Variants in TRRAP observed in about 807,000 individuals in gnomAD.
TRRAP encodes the protein transformation/transcription domain-associated protein.
TRRAP carries 41 observed loss-of-function variants against 438.8 expected under a neutral mutation model. The observed-to-expected ratio is 0.09, with a 90% confidence interval of 0.07 to 0.12. The LOEUF (loss-of-function observed/expected upper bound fraction) is 0.12. Ranked by LOEUF, TRRAP falls within the 10% of genes least tolerant of loss-of-function variation. The pLI is 1.00. For synonymous variants in TRRAP, 1,994 were observed against 1,962.9 expected (o/e 1.02, Z -0.42); for missense variants, 3,122 against 5,055.1 (o/e 0.62, Z 11.60).
chr7:98,906,182 A>G lies in TRRAP; in HGVS notation c.1042A>G (p.Ile348Val), dbSNP rs1554407489. Residue 348 changes from isoleucine (I) to valine (V), a missense_variant, in exon 13 of 73, where the codon ATT becomes GTT. Physicochemically the swap from Ile to Val is conservative, Grantham distance 29 (BLOSUM62 3). Around this residue, in one of 24 missense-constraint regions of TRRAP, gnomAD observed 343 missense variants for 564.0 expected, o/e 0.61. Coordinates refer to ENST00000456197, the MANE Select transcript of TRRAP (RefSeq NM_001375524.1). ...ILTTELRNQFIPCMDKLFDES... is the reference protein window; with the variant it reads ...ILTTELRNQFVPCMDKLFDES... The stretch of plus-strand genomic sequence containing the variant: ...AATGGATGTTTGTCTTCTAGAGTTC[A>G]TTCCTTGCATGGACAAGCTGTTTGA... 6.2e-6 allele frequency: 10 copies of G among 1,613,672 alleles called. No homozygotes were observed. The highest frequency in any genetic ancestry group is 2.7e-5 in the African/African-American group (2 of 74,898).
At chr7:98,990,317 T>G (rs988573153) in intron 63 of TRRAP, 138 bp from the exon 64 acceptor site, 1 of 747,384 alleles carries the variant, frequency 1.3e-6, no homozygotes, top group Admixed American at 2.8e-5. Context: ...TTAGCAATAA[T>G]GTTGGCCTGC....
chr7:99,006,969 C>T (rs888309777), intron 69 of TRRAP, among the ~76,000 whole-genome samples: 17 of 152,210 alleles, frequency 1.1e-4, no homozygotes, highest in African/African-American at 4.1e-4. Context: ...GCGCTCCTGC[C>T]GCCTCCAGCT....
chr7:98,975,904 A>G, intron 53 of TRRAP: 1 of 460,860 alleles, frequency 2.2e-6, no homozygotes, highest in Non-Finnish European at 3.8e-6. Flanking sequence ...AACTAAGGAC[A>G]AATGCAGGCG....
At chr7:98,930,978 G>A (rs1259695710) in intron 25 of TRRAP, 148 bp downstream of exon 25, 1 of 1,096,522 alleles carries the variant, frequency 9.1e-7, no homozygotes, top group Non-Finnish European at 1.3e-6. Flanking sequence ...TTCACTAAAA[G>A]GACAGCTCAG....
chr7:98,929,956 T>G, intron 23 of TRRAP, 33 bp from the exon 24 acceptor site: 1 of 1,607,376 alleles, frequency 6.2e-7, no homozygotes, highest in Non-Finnish European at 8.5e-7. Flanking sequence ...GGGACAAGAC[T>G]GTTCTCACGT....
Position 98,930,143 on chromosome 7 carries a change from C to T in TRRAP, c.3330C>T (p.Ile1110=), listed in dbSNP as rs781866813. Residue 1110 remains isoleucine (I), a synonymous_variant, in exon 24 of 73, where the codon ATC becomes ATT. Coordinates refer to ENST00000456197, the MANE Select transcript of TRRAP (RefSeq NM_001375524.1). ...ATGAAGAAAAGGAGCTTTGCAAAAT[C>T]GGGGAGGTGGCCCTAGCTGTGATAT... ...MAYEEKELCK[I]GEVALAVIFD... The T allele has an allele frequency of 6.8e-6, 11 of 1,614,120 alleles. No individual in the cohort carries two copies. The highest frequency in any genetic ancestry group is 2.2e-5 in the East Asian group (1 of 44,884).
chr7:98,885,093 C>T (rs1292037697), intron 3 of TRRAP, among the ~76,000 whole-genome samples: 3 of 151,960 alleles, frequency 2.0e-5, no homozygotes, highest in Non-Finnish European at 4.4e-5. Context: ...AAAAGGATCA[C>T]GTTTCCGATT....
chr7:98,981,980 G>C lies in TRRAP; in HGVS notation c.8826+20G>C. On this transcript the variant is annotated intron_variant, in intron 59 of 72. Coordinates refer to ENST00000456197, the MANE Select transcript of TRRAP (RefSeq NM_001375524.1). ...CTACAGGTGCGTGCGGTGCCCCCATGCGAGCACAGGCCTGTGGCCTGTCGC... is the reference window on the plus strand; with the variant it reads ...CTACAGGTGCGTGCGGTGCCCCCATCCGAGCACAGGCCTGTGGCCTGTCGC... 1 of 1,547,460 alleles carries C rather than the reference G, an allele frequency of 6.5e-7. No homozygotes were observed. The highest frequency in any genetic ancestry group is 8.7e-7 in the Non-Finnish European group (1 of 1,149,192).
rs782274031 is a variant in TRRAP, at chr7:98,917,493, C to T, written c.2436C>T (p.Thr812=). ...ACCTCTTTGTGGAGCTGTGTCTCAC[C>T]GTCCCTGTGCGGCTGAGCTCGCTTT... The part of the protein sequence containing the change: ...MKDLFVELCL[T]VPVRLSSLLP... The change falls in exon 20 of 73, where the codon ACC becomes ACT. Residue 812 remains threonine (T), a synonymous_variant. Transcript: ENST00000456197. 93 of 1,614,048 alleles carry T rather than the reference C, an allele frequency of 5.8e-5. No homozygotes were observed. Among genetic ancestry groups the T allele is most frequent in the Non-Finnish European group, 7.1e-5 (84 of 1,180,040 alleles).
At chr7:98,916,220 A>G (rs1584306967) in intron 19 of TRRAP, among the ~76,000 whole-genome samples, 1 of 152,196 alleles carries the variant, frequency 6.6e-6, no homozygotes, top group South Asian at 2.1e-4. Flanking sequence ...GTTTAGTAAG[A>G]TCAGAGATCC....
chr7:98,958,927 T>C (rs1791753257), intron 44 of TRRAP, among the ~76,000 whole-genome samples: 1 of 152,216 alleles, frequency 6.6e-6, no homozygotes, highest in Admixed American at 6.5e-5. Flanking sequence ...CAAAGAACCA[T>C]TGTAAATGAA....
At chr7:98,936,427 G>C (rs1790560190) in intron 28 of TRRAP, among the ~76,000 whole-genome samples, 1 of 152,178 alleles carries the variant, frequency 6.6e-6, no homozygotes, top group East Asian at 1.9e-4. Flanking sequence ...GAACTCTCCT[G>C]TGCCTCCTTC....
Position 98,962,405 on chromosome 7 carries a change from T to C in TRRAP, c.6807T>C (p.Asn2269=). The C allele has an allele frequency of 2.5e-6, 4 of 1,614,236 alleles. No homozygotes were observed. Among genetic ancestry groups the C allele is most frequent in the Non-Finnish European group, 3.4e-6 (4 of 1,180,038 alleles). The change falls in exon 47 of 73, where the codon AAT becomes AAC. Residue 2269 remains asparagine, a synonymous_variant. Coordinates refer to ENST00000456197, the MANE Select transcript of TRRAP (RefSeq NM_001375524.1). ...EGLTNYEKAT[N]ANPSQLFGTL... Reference sequence around the variant, plus strand: ...TCACCAACTACGAGAAGGCCACCAATGCCAATCCCTCCCAGCTCTTCGGTG... The same window carrying C: ...TCACCAACTACGAGAAGGCCACCAACGCCAATCCCTCCCAGCTCTTCGGTG...
At chr7:98,997,910 G>T (rs1187806912) in intron 67 of TRRAP, among the ~76,000 whole-genome samples, 1 of 152,198 alleles carries the variant, frequency 6.6e-6, no homozygotes, top group African/African-American at 2.4e-5. Context: ...GTGATCCACA[G>T]TGTTTGTGGT....
intron 3 of TRRAP, among the ~76,000 whole-genome samples, chr7:98,886,438 A>ATCTAGAGAGATACG (rs1795711967): frequency 6.7e-6 from 1 of 150,334 alleles, no homozygotes; most frequent in African/African-American, 2.5e-5. Context: ...AGAGAGATAT[A>ATCTAGAGAGATACG]GATATCTAGA....
chr7:98,951,890 G>C (rs1554418307), intron 39 of TRRAP, among the ~76,000 whole-genome samples: 2 of 152,064 alleles, frequency 1.3e-5, no homozygotes, highest in African/African-American at 4.8e-5. Context: ...ATGGGGTCCA[G>C]ACAGGACCCC....
chr7:99,011,264 C>T lies in TRRAP; in HGVS notation c.11142+9C>T, dbSNP rs1242763452. 6 of 1,613,948 alleles carry T rather than the reference C, an allele frequency of 3.7e-6. No homozygotes were observed. The African/African-American group carries it at 4.0e-5, about 11-fold the overall frequency. ...TGTTACAGATCGCTCAGGTAACCTG[C>T]TTTGAACAGCCAGATCCTCTCCTCG... On this transcript the variant is annotated intron_variant, in intron 71 of 72. Transcript: ENST00000456197. The surrounding 1 kb of genome is among the most constrained non-coding windows in gnomAD (Gnocchi z 7.1).
Position 98,976,271 on chromosome 7 carries a change from G to T in TRRAP, c.7959+3G>T. ...TCCTCTCTGACAGACAGCAGCATGT[G>T]AGTGTATCTTTAAAATCCTGTTTTG... On this transcript the variant is annotated splice_donor_region_variant and intron_variant, in intron 54 of 72. Transcript: ENST00000456197. This position sits in a 1 kb window ranked among gnomAD's most constrained non-coding sequence, Gnocchi z 4.6. 6.2e-7 allele frequency: 1 copy of T among 1,613,872 alleles called. No individual in the cohort carries two copies. Among genetic ancestry groups the T allele is most frequent in the South Asian group, 1.1e-5 (1 of 91,046 alleles).
chr7:98,981,964 C>T lies in TRRAP; in HGVS notation c.8826+4C>T, dbSNP rs753023361. On this transcript the variant is annotated splice_donor_region_variant and intron_variant, in intron 59 of 72. Coordinates refer to ENST00000456197, the MANE Select transcript of TRRAP (RefSeq NM_001375524.1). Reference sequence around the variant, plus strand: ...CGTGCACACGCCTCTCCTACAGGTGCGTGCGGTGCCCCCATGCGAGCACAG... The same window carrying T: ...CGTGCACACGCCTCTCCTACAGGTGTGTGCGGTGCCCCCATGCGAGCACAG... The T allele has an allele frequency of 1.2e-5, 19 of 1,570,828 alleles. No individual in the cohort carries two copies. In the East Asian group the frequency reaches 2.3e-4, roughly 19 times the overall value.
Sources: allele counts gnomAD v4.1 joint callset (sites outside exome capture counted in the v4.1 genomes callset), GRCh38; gene constraint gnomAD v4.1.1; regional missense constraint gnomAD v4.1.1; non-coding constraint Gnocchi (gnomAD v3.1); transcripts MANE v1.5; gene names NCBI Gene and HGNC (gene_info 2026-07-23, HGNC 2026-07-21).